The following ABCA13 variants were observed in gnomAD, a reference collection of about 807,000 sequenced individuals.
ABCA13 encodes ATP-binding cassette sub-family A member 13.
In ABCA13, 476 loss-of-function variants were observed where a neutral mutation model predicts 478.7. The observed-to-expected ratio is 0.99, with a 90% confidence interval of 0.92 to 1.07. The LOEUF (loss-of-function observed/expected upper bound fraction) is 1.07, where lower values mean the gene tolerates loss of function less well. Among genes scored for constraint, ABCA13 ranks in the 50% least tolerant of loss-of-function variants. The pLI is 0.00. For missense variants in ABCA13, 6,060 were observed against 5,910.6 expected (o/e 1.03, Z -0.83); for synonymous variants, 2,252 against 2,158.9 (o/e 1.04, Z -1.20).
intron 55 of ABCA13, among the ~76,000 whole-genome samples, chr7:48,559,271 C>A (rs1277404452): frequency 6.6e-6 from 1 of 152,144 alleles, no homozygotes; most frequent in African/African-American, 2.4e-5. Context: ...CCTTTTCCTC[C>A]CTTTTGACTG....
chr7:48,376,674 C>A (rs748297106), intron 35 of ABCA13, 102 bp downstream of exon 35: 3 of 1,306,880 alleles, frequency 2.3e-6, no homozygotes, highest in South Asian at 1.5e-5. Context: ...TAAGGAAGAT[C>A]CAGAAAGGGA....
At chr7:48,421,000 C>T (rs150194860) in intron 41 of ABCA13, among the ~76,000 whole-genome samples, 3 of 152,162 alleles carry the variant, frequency 2.0e-5, no homozygotes, top group African/African-American at 7.2e-5. Context: ...TATGGGTTTG[C>T]CCTATTTTGC....
chr7:48,267,801 A>G (rs944163970), intron 15 of ABCA13, among the ~76,000 whole-genome samples: 4 of 151,984 alleles, frequency 2.6e-5, no homozygotes, highest in Non-Finnish European at 4.4e-5. Context: ...TCTCTTCTTT[A>G]TGGGTCATAT....
intron 1 of ABCA13, among the ~76,000 whole-genome samples, chr7:48,171,825 G>A (rs1169930188): frequency 1.3e-5 from 2 of 152,218 alleles, no homozygotes; most frequent in Non-Finnish European, 2.9e-5. Context: ...AAAGCAGGTG[G>A]AATTGAACTA....
Position 48,272,459 on chromosome 7 carries a change from A to C in ABCA13, c.2793A>C (p.Ser931=), listed in dbSNP as rs758329993. Residue 931 remains serine (S), a synonymous_variant, in exon 17 of 62, where the codon TCA becomes TCC. Coordinates refer to ENST00000435803, the MANE Select transcript of ABCA13 (RefSeq NM_152701.5). The part of the protein sequence containing the change: ...YAIRNASDLF[S]ALSEPQKQEV... ...TCAGGAATGCATCTGATCTTTTCTC[A>C]GCCCTTTCTGAACCACAAAAACAAG... 2.5e-5 allele frequency: 40 copies of C among 1,613,684 alleles called. No homozygotes were observed. Among genetic ancestry groups the C allele is most frequent in the Middle Eastern group, 1.6e-4 (1 of 6,084 alleles).
Position 48,274,060 on chromosome 7 carries a change from A to T in ABCA13, c.4394A>T (p.Asp1465Val). The change falls in exon 17 of 62, where the codon GAT becomes GTT. Residue 1465 changes from aspartate (D) to valine (V), a missense_variant. Asp to Val is a radical substitution (Grantham distance 152, BLOSUM62 -3). This residue lies in a region of ABCA13 where 4,423 missense variants were observed against 4,309.1 expected (regional missense o/e 1.03). Coordinates refer to ENST00000435803, the MANE Select transcript of ABCA13 (RefSeq NM_152701.5). Reference protein sequence around the residue: ...HINCVNIYLKDVTDFLNIVLT... With the variant: ...HINCVNIYLKVVTDFLNIVLT... The stretch of plus-strand genomic sequence containing the variant: ...AATTGTGTCAATATTTACTTGAAAG[A>T]TGTAACTGACTTTCTAAATATTGTA... 4 of 1,605,760 alleles carry T rather than the reference A, an allele frequency of 2.5e-6. No homozygotes were observed. The highest frequency in any genetic ancestry group is 3.4e-6 in the Non-Finnish European group (4 of 1,174,682).
intron 59 of ABCA13, among the ~76,000 whole-genome samples, chr7:48,636,688 AT>A (rs1437428338): frequency 6.6e-6 from 1 of 152,090 alleles, no homozygotes; most frequent in African/African-American, 2.4e-5. Context: ...ATTTTCCAAC[AT>A]TTTTGAATGT....
chr7:48,408,259 G>A (rs932179029), intron 39 of ABCA13, among the ~76,000 whole-genome samples: 1 of 152,178 alleles, frequency 6.6e-6, no homozygotes, highest in Non-Finnish European at 1.5e-5. Context: ...TGCCCCGCCA[G>A]CTCCTGGCAA....
At chr7:48,349,913 C>T (rs531141129) in intron 29 of ABCA13, among the ~76,000 whole-genome samples, 175 of 152,350 alleles carry the variant, frequency 1.1e-3, no homozygotes, top group African/African-American at 4.0e-3. Flanking sequence ...TACATCTTTC[C>T]TGCTGCTTTC....
chr7:48,272,800 A>C lies in ABCA13; in HGVS notation c.3134A>C (p.Gln1045Pro), dbSNP rs1795795231. 1.2e-6 allele frequency: 2 copies of C among 1,605,596 alleles called. No homozygotes were observed. The highest frequency in any genetic ancestry group is 2.7e-5 in the African/African-American group (2 of 74,830). The part of the protein sequence containing the change: ...SIFNFLELQA[Q>P]SFMSTEGQEL... Reference sequence around the variant, plus strand: ...TTTAACTTTTTGGAGCTTCAGGCCCAATCCTTCATGTCTACAGAGGGCCAA... The same window carrying C: ...TTTAACTTTTTGGAGCTTCAGGCCCCATCCTTCATGTCTACAGAGGGCCAA... Residue 1045 changes from glutamine to proline, a missense_variant, in exon 17 of 62, where the codon CAA becomes CCA. Physicochemically the swap from Gln to Pro is moderately conservative, Grantham distance 76 (BLOSUM62 -1). Coordinates refer to ENST00000435803, the MANE Select transcript of ABCA13 (RefSeq NM_152701.5).
Position 48,275,677 on chromosome 7 carries a change from G to A in ABCA13, c.6011G>A (p.Arg2004Lys), listed in dbSNP as rs1413376669. 2 of 1,599,420 alleles carry A rather than the reference G, an allele frequency of 1.3e-6. No homozygotes were observed. The highest frequency in any genetic ancestry group is 3.5e-5 in the Admixed American group (2 of 57,330). Residue 2004 changes from arginine to lysine, a missense_variant, in exon 17 of 62, where the codon AGG becomes AAG. By Grantham distance (26) the Arg-to-Lys change is conservative. Coordinates refer to ENST00000435803, the MANE Select transcript of ABCA13 (RefSeq NM_152701.5). The stretch of plus-strand genomic sequence containing the variant: ...AATATTATTTCCTCAAATTTGGAAA[G>A]GACAGTACAATTGATTTCTGAAGAC... ...VQNIISSNLE[R>K]TVQLISEDWS...
At chr7:48,184,972 A>T (rs1796173960) in intron 1 of ABCA13, among the ~76,000 whole-genome samples, 1 of 152,124 alleles carries the variant, frequency 6.6e-6, no homozygotes, top group Non-Finnish European at 1.5e-5. Flanking sequence ...AGTAGCTGGG[A>T]CTATAAGGGC....
intron 10 of ABCA13, chr7:48,242,947 T>G (rs1417606590): frequency 6.6e-6 from 1 of 152,262 alleles, no homozygotes; most frequent in Non-Finnish European, 1.5e-5. Flanking sequence ...AGTTTTCTAC[T>G]GAGTTTTTCG....
At chr7:48,633,760 G>A (rs1018709693) in intron 59 of ABCA13, among the ~76,000 whole-genome samples, 4 of 151,342 alleles carry the variant, frequency 2.6e-5, no homozygotes, top group African/African-American at 9.7e-5. Context: ...GTGGTGGCAC[G>A]CACCTATAAT....
intron 27 of ABCA13, among the ~76,000 whole-genome samples, chr7:48,332,105 C>T (rs566177866): frequency 3.7e-4 from 56 of 152,188 alleles, no homozygotes; most frequent in Non-Finnish European, 6.5e-4. Flanking sequence ...AATAACATTC[C>T]CTGGTATGCA....
At chr7:48,543,303 G>A (rs948194235) in intron 55 of ABCA13, among the ~76,000 whole-genome samples, 21 of 151,728 alleles carry the variant, frequency 1.4e-4, no homozygotes, top group Non-Finnish European at 2.1e-4. Context: ...TTACTGTATA[G>A]TGATAAGGAA....
intron 51 of ABCA13, 36 bp from the exon 52 acceptor site, chr7:48,516,689 A>C (rs758769748): frequency 1.2e-6 from 2 of 1,602,502 alleles, no homozygotes; most frequent in South Asian, 2.2e-5. Context: ...TAAATGTTAC[A>C]GTAAAACAAA....
At chr7:48,426,929 A>G (rs939498636) in intron 41 of ABCA13, among the ~76,000 whole-genome samples, 2 of 49,474 alleles carry the variant, frequency 4.0e-5, no homozygotes, top group Admixed American at 3.9e-4. Context: ...GTGCAGTCCT[A>G]TGCCTGCAGA....
intron 29 of ABCA13, among the ~76,000 whole-genome samples, chr7:48,349,585 C>G (rs146579735): frequency 4.9e-4 from 74 of 152,272 alleles, no homozygotes; most frequent in African/African-American, 1.7e-3. Flanking sequence ...GGGCTGGGTG[C>G]CAAGCAAGCA....
Sources: allele counts gnomAD v4.1 joint callset (sites outside exome capture counted in the v4.1 genomes callset), GRCh38; gene constraint gnomAD v4.1.1; regional missense constraint gnomAD v4.1.1; transcripts MANE v1.5; gene names NCBI Gene and HGNC (gene_info 2026-07-23, HGNC 2026-07-21).